DLC1: variants seen among roughly 807,000 people sequenced by gnomAD.
DLC1 encodes rho GTPase-activating protein 7.
In DLC1, 54 loss-of-function variants were observed where a neutral mutation model predicts 140.3. The ratio of observed to expected loss-of-function variants is 0.38; its 90% confidence interval spans 0.31 to 0.48. The LOEUF (loss-of-function observed/expected upper bound fraction) is 0.48, where lower values mean the gene tolerates loss of function less well. Among genes scored for constraint, DLC1 ranks in the 20% least tolerant of loss-of-function variants. The probability of loss-of-function intolerance (pLI) is 0.96; values close to 1 mark genes in which losing one functional copy is unlikely to be tolerated. For missense variants in DLC1, 2,536 were observed against 1,907.0 expected (o/e 1.33, Z -6.14); for synonymous variants, 986 against 728.1 (o/e 1.35, Z -5.70).
intron 5 of DLC1, among the ~76,000 whole-genome samples, chr8:13,298,385 A>G (rs1241706219): frequency 6.6e-6 from 1 of 152,202 alleles, no homozygotes; most frequent in Non-Finnish European, 1.5e-5. Context: ...TAGTAGGAGT[A>G]ATGGAGAAGG....
intron 5 of DLC1, chr8:13,214,488 T>G: frequency 1.5e-6 from 1 of 662,880 alleles, no homozygotes; most frequent in Non-Finnish European, 2.7e-6. Context: ...CTCAGGTTTC[T>G]CTTATCATTG....
intron 5 of DLC1, among the ~76,000 whole-genome samples, chr8:13,166,315 G>A (rs983084066): frequency 5.9e-5 from 9 of 152,020 alleles, no homozygotes; most frequent in African/African-American, 2.2e-4. Context: ...TAATCACTTC[G>A]TGTTTGATTT....
intron 3 of DLC1, among the ~76,000 whole-genome samples, chr8:13,394,375 C>T (rs955253481): frequency 2.0e-5 from 3 of 152,140 alleles, no homozygotes; most frequent in African/African-American, 7.2e-5. Flanking sequence ...TAAATGCTAG[C>T]TACTCCAATA....
intron 5 of DLC1, among the ~76,000 whole-genome samples, chr8:13,190,383 T>C (rs573118470): frequency 1.4e-4 from 21 of 152,232 alleles, no homozygotes; most frequent in African/African-American, 5.1e-4. Flanking sequence ...TCACCACCCA[T>C]GGCTGGTGAG....
chr8:13,458,211 C>G (rs1312810861), intron 2 of DLC1, among the ~76,000 whole-genome samples: 1 of 151,960 alleles, frequency 6.6e-6, no homozygotes, highest in Non-Finnish European at 1.5e-5. Flanking sequence ...TAATTCTAGC[C>G]AAAATTTGAG....
chr8:13,509,921 A>G (rs1053956505), intron 1 of DLC1, among the ~76,000 whole-genome samples: 1 of 152,220 alleles, frequency 6.6e-6, no homozygotes, highest in African/African-American at 2.4e-5. Context: ...ATGAGTTAAT[A>G]ACAATGAGAT....
At chr8:13,500,514 A>G (rs1301892569) in intron 1 of DLC1, among the ~76,000 whole-genome samples, 1 of 152,234 alleles carries the variant, frequency 6.6e-6, no homozygotes, top group Admixed American at 6.5e-5. Context: ...GCAATACTTA[A>G]TAAAAATCAC....
chr8:13,594,068 G>A (rs991530532), intron 1 of DLC1, among the ~76,000 whole-genome samples: 1 of 152,038 alleles, frequency 6.6e-6, no homozygotes, highest in African/African-American at 2.4e-5. Flanking sequence ...TCCTGAGGTG[G>A]GAGGATCGCT....
chr8:13,361,843 A>G (rs1016634701), intron 4 of DLC1, among the ~76,000 whole-genome samples: 15 of 152,184 alleles, frequency 9.9e-5, no homozygotes, highest in Admixed American at 7.2e-4. Flanking sequence ...TTTAGTACAT[A>G]TATCAATAAT....
At chr8:13,201,921 G>GTTTTT (rs35475930) in intron 5 of DLC1, among the ~76,000 whole-genome samples, 51 of 101,748 alleles carry the variant, frequency 5.0e-4, no homozygotes, top group Non-Finnish European at 6.6e-4. Flanking sequence ...TACCCAAAAG[G>GTTTTT]TTTTTTTTTT....
At chr8:13,278,103 T>A (rs1027374084) in intron 5 of DLC1, among the ~76,000 whole-genome samples, 1 of 152,228 alleles carries the variant, frequency 6.6e-6, no homozygotes, top group Non-Finnish European at 1.5e-5. Flanking sequence ...ATGTCCCCCA[T>A]TGAGCATGTA....
At chr8:13,478,892 A>G (rs935762676) in intron 2 of DLC1, among the ~76,000 whole-genome samples, 2 of 152,222 alleles carry the variant, frequency 1.3e-5, no homozygotes, top group Admixed American at 6.5e-5. Flanking sequence ...TGCTCCCACA[A>G]AAACTTGCCT....
chr8:13,594,258 C>G (rs969149530), intron 1 of DLC1, among the ~76,000 whole-genome samples: 2 of 152,042 alleles, frequency 1.3e-5, no homozygotes, highest in East Asian at 1.9e-4. Context: ...AACAGAAAAC[C>G]TCATGACCTT....
chr8:13,410,199 C>T (rs535004397), intron 2 of DLC1, among the ~76,000 whole-genome samples: 2 of 152,102 alleles, frequency 1.3e-5, no homozygotes, highest in South Asian at 4.2e-4. Flanking sequence ...TTAAAAAAAC[C>T]TCTTTTAAGT....
intron 4 of DLC1, among the ~76,000 whole-genome samples, chr8:13,346,023 G>C (rs556586689): frequency 6.6e-6 from 1 of 152,276 alleles, no homozygotes; most frequent in South Asian, 2.1e-4. Context: ...TGATTTGTAA[G>C]TTTTGCACTG....
At chr8:13,487,204 C>G (rs1801007952) in intron 2 of DLC1, among the ~76,000 whole-genome samples, 2 of 152,134 alleles carry the variant, frequency 1.3e-5, no homozygotes, top group South Asian at 2.1e-4. Flanking sequence ...TTGCAAGAAG[C>G]AAAATATTGC....
intron 1 of DLC1, among the ~76,000 whole-genome samples, chr8:13,546,304 G>A (rs150484170): frequency 6.6e-6 from 1 of 151,932 alleles, no homozygotes; most frequent in Non-Finnish European, 1.5e-5. Context: ...CAAGATTTCG[G>A]TAATTTGTTT....
At chr8:13,469,525 C>G (rs1351507) in intron 2 of DLC1, among the ~76,000 whole-genome samples, 1,544 of 152,174 alleles carry the variant, frequency 0.01, 12 homozygotes, top group Non-Finnish European at 0.016. Flanking sequence ...CAAAACTGTT[C>G]ATAAAGAGTC....
chr8:13,196,455 T>G (rs890601466), intron 5 of DLC1, among the ~76,000 whole-genome samples: 1 of 152,134 alleles, frequency 6.6e-6, no homozygotes, highest in African/African-American at 2.4e-5. Flanking sequence ...TGCTCATTAC[T>G]GCACATAGGC....
Sources: allele counts gnomAD v4.1 joint callset (sites outside exome capture counted in the v4.1 genomes callset), GRCh38; gene constraint gnomAD v4.1.1; transcripts MANE v1.5; gene names NCBI Gene and HGNC (gene_info 2026-07-23, HGNC 2026-07-21).